The following KLF12 variants were observed in gnomAD, a reference collection of about 807,000 sequenced individuals.
KLF12 encodes the protein Krueppel-like factor 12.
Under a neutral mutation model 37.8 loss-of-function variants are expected in KLF12, and 9 were observed. That is an observed-to-expected ratio of 0.24 (90% confidence interval 0.14 to 0.42). The LOEUF (loss-of-function observed/expected upper bound fraction) is 0.42, where lower values mean the gene tolerates loss of function less well. Among genes scored for constraint, KLF12 ranks in the 10% least tolerant of loss-of-function variants. The pLI, the probability that KLF12 is intolerant of heterozygous loss-of-function variation, is 1.00. For synonymous variants in KLF12, 208 were observed against 202.1 expected (o/e 1.03, Z -0.25); for missense variants, 411 against 516.0 (o/e 0.80, Z 1.97).
At chr13:73,920,331 TA>T (rs766677695) in intron 3 of KLF12, among the ~76,000 whole-genome samples, 60 of 152,236 alleles carry the variant, frequency 3.9e-4, no homozygotes, top group Non-Finnish European at 7.5e-4. Flanking sequence ...TGTGTCTTCA[TA>T]CATTTTTTTT....
intron 1 of KLF12, among the ~76,000 whole-genome samples, chr13:74,114,793 T>C (rs889821831): frequency 2.0e-5 from 3 of 152,202 alleles, no homozygotes; most frequent in South Asian, 2.1e-4. Flanking sequence ...TGCTATTTCA[T>C]ACACATGTCC....
chr13:73,995,994 C>T (rs1196264233), intron 1 of KLF12, among the ~76,000 whole-genome samples: 2 of 152,106 alleles, frequency 1.3e-5, no homozygotes, highest in East Asian at 3.9e-4. Flanking sequence ...GTCTATGGGC[C>T]GTAGCACTGG....
chr13:74,074,589 C>G (rs1379942896), intron 1 of KLF12, among the ~76,000 whole-genome samples: 8 of 152,244 alleles, frequency 5.3e-5, no homozygotes, highest in African/African-American at 1.9e-4. Context: ...TTAAAGGCCC[C>G]ACCTCTTAAT....
chr13:73,725,693 T>A (rs17090381), intron 6 of KLF12, among the ~76,000 whole-genome samples: 1 of 151,904 alleles, frequency 6.6e-6, no homozygotes, highest in Admixed American at 6.6e-5. Flanking sequence ...ATTCCATTTA[T>A]AGGACTTAAC....
At chr13:74,062,850 C>A (rs1873683827) in intron 1 of KLF12, among the ~76,000 whole-genome samples, 1 of 152,190 alleles carries the variant, frequency 6.6e-6, no homozygotes, top group South Asian at 2.1e-4. Context: ...ATTTTCCTAA[C>A]CCACAGGAAC....
chr13:74,035,475 C>T (rs1011852945), intron 1 of KLF12, among the ~76,000 whole-genome samples: 4 of 151,924 alleles, frequency 2.6e-5, no homozygotes, highest in African/African-American at 7.3e-5. Flanking sequence ...AATAGGTGCT[C>T]GATAAATATG....
intron 1 of KLF12, among the ~76,000 whole-genome samples, chr13:74,090,318 TC>T (rs1875573592): frequency 6.6e-6 from 1 of 152,086 alleles, no homozygotes; most frequent in Admixed American, 6.5e-5. Flanking sequence ...CATCCTGTAT[TC>T]CCAGATTGGA....
intron 1 of KLF12, among the ~76,000 whole-genome samples, chr13:74,128,663 A>C (rs1355685831): frequency 6.6e-6 from 1 of 152,232 alleles, no homozygotes; most frequent in African/African-American, 2.4e-5. Flanking sequence ...TTGTGAAATG[A>C]AGGAAGGTTT....
the KLF12 span, among the ~76,000 whole-genome samples, chr13:74,142,007 G>A: frequency 6.6e-6 from 1 of 152,308 alleles, no homozygotes; most frequent in African/African-American, 2.4e-5. Flanking sequence ...TGGCTTACAA[G>A]TTATTGGCCA....
At chr13:73,877,593 T>TATTG (rs1310099394) in intron 3 of KLF12, among the ~76,000 whole-genome samples, 3 of 152,222 alleles carry the variant, frequency 2.0e-5, no homozygotes, top group African/African-American at 7.2e-5. Flanking sequence ...CCACTGTTGA[T>TATTG]ATTGACAGGT....
At chr13:73,743,812 C>G (rs1462878907) in intron 6 of KLF12, among the ~76,000 whole-genome samples, 1 of 151,886 alleles carries the variant, frequency 6.6e-6, no homozygotes, top group East Asian at 1.9e-4. Context: ...TGAGAAGAAC[C>G]AAAGTTGTGG....
At chr13:73,785,900 C>A (rs1480924224) in intron 5 of KLF12, among the ~76,000 whole-genome samples, 1 of 152,162 alleles carries the variant, frequency 6.6e-6, no homozygotes, top group Non-Finnish European at 1.5e-5. Context: ...TAGCGGAAGG[C>A]AGCTCAGCAT....
the KLF12 span, among the ~76,000 whole-genome samples, chr13:74,294,568 C>T: frequency 1.3e-5 from 2 of 152,004 alleles, no homozygotes; most frequent in Admixed American, 6.6e-5. Context: ...GGGGTTTCAC[C>T]ATGTTGACCA....
intron 6 of KLF12, among the ~76,000 whole-genome samples, chr13:73,738,112 TATATATATATATACACAC>T (rs1319905057): frequency 1.5e-3 from 109 of 74,692 alleles, no homozygotes; most frequent in African/African-American, 4.2e-3. Flanking sequence ...TATATATATA[TATATATATATATACACAC>T]ACACACATAT....
intron 3 of KLF12, among the ~76,000 whole-genome samples, chr13:73,891,802 A>G (rs1406643420): frequency 6.6e-6 from 1 of 152,126 alleles, no homozygotes; most frequent in African/African-American, 2.4e-5. Flanking sequence ...TTTTATTTCT[A>G]AAGAAGTTTC....
chr13:73,816,363 C>T (rs935810000), intron 4 of KLF12, among the ~76,000 whole-genome samples: 13 of 152,148 alleles, frequency 8.5e-5, no homozygotes, highest in Non-Finnish European at 1.6e-4. Flanking sequence ...GATCTATAAA[C>T]ACCTGAAAAA....
In KLF12 at chr13:74,044,647, C is replaced by T. The variant is rs148344040; in HGVS notation, c.-31-49594G>A. 1.3e-3 allele frequency among the ~76,000 whole-genome samples: 200 copies of T among 152,070 alleles called. 1 individual carries two copies. The highest frequency in any genetic ancestry group is 4.3e-3 in the African/African-American group (180 of 41,460). On this transcript the variant is annotated intron_variant, in intron 1 of 7. Transcript: ENST00000377669. ...GAATCACGAGGTCAGGAGATCGAGA[C>T]CATCCTGACCAACATGGTGAAACCC...
chr13:73,766,590 C>A (rs534303187), intron 5 of KLF12, among the ~76,000 whole-genome samples: 8 of 152,252 alleles, frequency 5.3e-5, no homozygotes, highest in African/African-American at 1.7e-4. Flanking sequence ...CCTGAACTTT[C>A]CCTATACCCT....
At chr13:73,910,880 G>C (rs556075515) in intron 3 of KLF12, among the ~76,000 whole-genome samples, 1 of 152,252 alleles carries the variant, frequency 6.6e-6, no homozygotes, top group South Asian at 2.1e-4. Context: ...GAAACTGGTA[G>C]CTTCATTAGA....
Sources: gnomAD v4.1 joint callset for allele counts (sites outside exome capture counted in the v4.1 genomes callset) on GRCh38, gnomAD v4.1.1 for gene constraint, MANE v1.5 for transcripts, NCBI Gene and HGNC (gene_info 2026-07-23, HGNC 2026-07-21) for gene names.